Variants in CFTR observed in about 807,000 individuals in gnomAD.
The protein encoded by CFTR is cystic fibrosis transmembrane conductance regulator.
Under a neutral mutation model 171.6 loss-of-function variants are expected in CFTR, and 181 were observed. That is an observed-to-expected ratio of 1.05 (90% CI 0.93 to 1.19). The LOEUF (loss-of-function observed/expected upper bound fraction) is 1.19. CFTR is among the 50% of genes most tolerant of loss of function. The pLI, the probability that CFTR is intolerant of heterozygous loss-of-function variation, is 0.00. For synonymous variants in CFTR, 583 were observed against 608.0 expected (o/e 0.96, Z 0.60); for missense variants, 1,968 against 1,734.7 (o/e 1.13, Z -2.39).
chr7:117,638,783 T>A lies in CFTR; in HGVS notation c.3718-3655T>A, dbSNP rs1975071. Among the ~76,000 whole-genome samples the A allele has an allele frequency of 3.0e-3, 434 of 143,272 alleles. 2 individuals are homozygous for A. The highest frequency in any genetic ancestry group is 0.012 in the African/African-American group (400 of 34,734). 94.0% of individuals were successfully genotyped at this position (143,272 alleles called of 152,430 possible). ...TAAATAAATAATAAAAATAAAAAAA[T>A]AAAATAAAACAAAAATTTTATTCTG... is the stretch of plus-strand genomic sequence containing the variant. On this transcript the variant is annotated intron_variant, in intron 22 of 26. Transcript: ENST00000003084.
In CFTR at chr7:117,603,644, G is replaced by C. The variant is rs201759207; in HGVS notation, c.2770G>C (p.Asp924His). The change falls in exon 17 of 27, where the codon GAC (aspartate) becomes CAC (histidine). Residue 924 changes from aspartate (D) to histidine (H), a missense_variant. Coordinates refer to ENST00000003084, the MANE Select transcript of CFTR (RefSeq NM_000492.4). ...YVFYIYVGVADTLLAMGFFRG... is the reference protein window; with the variant it reads ...YVFYIYVGVAHTLLAMGFFRG... ...GTTTTACATTTACGTGGGAGTAGCC[G>C]ACACTTTGCTTGCTATGGGATTCTT... 4.3e-6 allele frequency: 7 copies of C among 1,613,918 alleles called. No homozygotes were observed. Among genetic ancestry groups the C allele is most frequent in the African/African-American group, 2.7e-5 (2 of 74,922 alleles).
At chr7:117,542,737 C>A (rs983625361) in intron 9 of CFTR, among the ~76,000 whole-genome samples, 2 of 152,072 alleles carry the variant, frequency 1.3e-5, no homozygotes, top group African/African-American at 4.8e-5. Context: ...TAATCTAAGT[C>A]AAGTTACTGA....
chr7:117,582,488 A>G (rs770431684), intron 11 of CFTR, among the ~76,000 whole-genome samples: 26 of 152,136 alleles, frequency 1.7e-4, no homozygotes, highest in Non-Finnish European at 3.4e-4. Flanking sequence ...CGCAACCTGG[A>G]AGATCTCCCA....
intron 7 of CFTR, among the ~76,000 whole-genome samples, chr7:117,539,401 G>A (rs1799009472): frequency 6.6e-6 from 1 of 151,436 alleles, no homozygotes; most frequent in African/African-American, 2.4e-5. Flanking sequence ...CCTGCAACTT[G>A]AATTAAAAGA....
intron 10 of CFTR, among the ~76,000 whole-genome samples, chr7:117,551,029 G>T (rs1334582531): frequency 6.6e-6 from 1 of 152,116 alleles, no homozygotes; most frequent in Non-Finnish European, 1.5e-5. Context: ...ATACAATTTG[G>T]TAATTTGTAT....
At chr7:117,558,704 CTTTA>C (rs1382687485) in intron 10 of CFTR, among the ~76,000 whole-genome samples, 8 of 151,858 alleles carry the variant, frequency 5.3e-5, no homozygotes, top group African/African-American at 1.9e-4. Flanking sequence ...GCTTCTATTA[CTTTA>C]TTTATTAGCT....
At chr7:117,653,689 C>T (rs1204298986) in intron 24 of CFTR, among the ~76,000 whole-genome samples, 1 of 152,196 alleles carries the variant, frequency 6.6e-6, no homozygotes, top group Non-Finnish European at 1.5e-5. Context: ...ATGTCTTCTT[C>T]ACATGCAAAA....
intron 24 of CFTR, among the ~76,000 whole-genome samples, chr7:117,660,688 G>A (rs149416044): frequency 0.19 from 29,159 of 150,082 alleles, 3,194 homozygotes; most frequent in Non-Finnish European, 0.23. Context: ...GTGTGTGTGT[G>A]TATATACACA....
intron 16 of CFTR, among the ~76,000 whole-genome samples, chr7:117,603,157 A>C (rs1000968515): frequency 2.6e-5 from 4 of 152,138 alleles, no homozygotes; most frequent in African/African-American, 9.7e-5. Context: ...CCTGGACAAT[A>C]TAGTGAGATC....
intron 11 of CFTR, among the ~76,000 whole-genome samples, chr7:117,581,497 C>G (rs536644949): frequency 1.3e-3 from 196 of 152,162 alleles, no homozygotes; most frequent in African/African-American, 4.5e-3. Context: ...TATCTCATTA[C>G]AAAATTATGA....
intron 1 of CFTR, among the ~76,000 whole-genome samples, chr7:117,483,150 T>TA (rs1308731460): frequency 6.6e-6 from 1 of 152,176 alleles, no homozygotes; most frequent in African/African-American, 2.4e-5. Flanking sequence ...AACAAACAAA[T>TA]ACACCTGAAT....
rs76570954 is a variant in CFTR at position 117,644,429 on chromosome 7, A to G, written c.3873+1836A>G. 6.0e-3 allele frequency among the ~76,000 whole-genome samples: 908 copies of G among 152,190 alleles called. 26 individuals carry two copies. Among genetic ancestry groups the G allele is most frequent in the East Asian group, 0.02 (103 of 5,190 alleles). ...TCCTAAAGTTTAAAAAGAAAAAAAA[A>G]AGGAAGAAGGAATTAAAAATCCAAA... On this transcript the variant is annotated intron_variant, in intron 23 of 26. Coordinates refer to ENST00000003084, the MANE Select transcript of CFTR (RefSeq NM_000492.4).
In CFTR at chr7:117,535,393, G is replaced by A. The variant is rs758012554; in HGVS notation, c.725G>A (p.Arg242Lys). 4 of 1,614,078 alleles carry A rather than the reference G, an allele frequency of 2.5e-6. No individual in the cohort carries two copies. In the East Asian group the frequency reaches 8.9e-5, roughly 36 times the overall value. The change falls in exon 6 of 27, where the codon AGA becomes AAA. Residue 242 changes from arginine to lysine, a missense_variant. Physicochemically the swap from Arg to Lys is conservative, Grantham distance 26 (BLOSUM62 2). Transcript: ENST00000003084. ...GCCCTTTTTCAGGCTGGGCTAGGGA[G>A]AATGATGATGAAGTACAGGTAGCAA... is the stretch of plus-strand genomic sequence containing the variant. ...VLALFQAGLG[R>K]MMMKYRDQRA...
Position 117,493,322 on chromosome 7 carries a change from T to A in CFTR, c.54-10931T>A, listed in dbSNP as rs1348159408. On this transcript the variant is annotated intron_variant, in intron 1 of 26. Transcript: ENST00000003084. ...ATTGGAAAAAATAGCAACTTAAGTG[T>A]TTTGCAGACCTTTACTTAGGTATAT... Among the ~76,000 whole-genome samples the A allele has an allele frequency of 2.0e-5, 3 of 152,076 alleles. No individual in the cohort carries two copies. In the South Asian group the frequency reaches 6.2e-4, roughly 31 times the overall value.
intron 14 of CFTR, 106 bp downstream of exon 14, chr7:117,592,763 G>C: frequency 1.0e-6 from 1 of 981,380 alleles, no homozygotes. Context: ...ATTAGGATAA[G>C]GTGTATCTTA....
At position 117,542,102 on chromosome 7, in the gene CFTR, G is replaced by C. The variant is rs397508175; in HGVS notation, c.1203G>C (p.Trp401Cys). The C allele has an allele frequency of 1.9e-6, 3 of 1,571,904 alleles. No homozygotes were observed. The highest frequency in any genetic ancestry group is 2.6e-6 in the Non-Finnish European group (3 of 1,141,666). Residue 401 changes from tryptophan to cysteine, a missense_variant, in exon 9 of 27, where the codon TGG (tryptophan) becomes TGC (cysteine). Physicochemically the swap from Trp to Cys is radical, Grantham distance 215 (BLOSUM62 -2). Coordinates refer to ENST00000003084, the MANE Select transcript of CFTR (RefSeq NM_000492.4). ...EVVMENVTAF[W>C]EEGFGELFEK... Reference sequence around the variant, plus strand: ...TGATGGAGAATGTAACAGCCTTCTGGGAGGAGGTCAGAATTTTTAAAAAAT... The same window carrying C: ...TGATGGAGAATGTAACAGCCTTCTGCGAGGAGGTCAGAATTTTTAAAAAAT...
chr7:117,491,811 T>C (rs1798163922), intron 1 of CFTR, among the ~76,000 whole-genome samples: 1 of 152,126 alleles, frequency 6.6e-6, no homozygotes, highest in Admixed American at 6.6e-5. Flanking sequence ...GGGTTAGGAC[T>C]CAAACATACC....
rs548623988 is a variant in CFTR at position 117,587,972 on chromosome 7, G to T, written c.1679+139G>T. ...TGGGGTTTTATGGCTAGTGGGTTAAGAATCACATTTAAGAACTATAAATAA... is the reference window on the plus strand; with the variant it reads ...TGGGGTTTTATGGCTAGTGGGTTAATAATCACATTTAAGAACTATAAATAA... On this transcript the variant is annotated intron_variant, in intron 12 of 26. Transcript: ENST00000003084. The T allele has an allele frequency of 6.3e-4, 420 of 664,402 alleles. 1 individual carries two copies. Among genetic ancestry groups the T allele is most frequent in the African/African-American group, 4.0e-3 (224 of 55,616 alleles). 41.2% of individuals were successfully genotyped at this position (664,402 alleles called of 1,614,324 possible). A position where few individuals can be genotyped will look rare whatever the true frequency, so the allele number is the denominator to read the frequency against.
At chr7:117,652,957 T>C in intron 24 of CFTR, 26 bp downstream of exon 24, 1 of 1,363,582 alleles carries the variant, frequency 7.3e-7, no homozygotes, top group Non-Finnish European at 1.0e-6. Flanking sequence ...GAAATGATTT[T>C]GAAAGGGGTA....
Sources: gnomAD v4.1 joint callset for allele counts (sites outside exome capture counted in the v4.1 genomes callset) on GRCh38, gnomAD v4.1.1 for gene constraint, MANE v1.5 for transcripts, NCBI Gene and HGNC (gene_info 2026-07-23, HGNC 2026-07-21) for gene names.